The following BANF1 variants were observed in gnomAD, a reference collection of about 807,000 sequenced individuals.
BANF1 encodes barrier-to-autointegration factor.
For synonymous variants in BANF1, 49 were observed against 43.7 expected (o/e 1.12, Z -0.48); for missense variants, 47 against 110.4 (o/e 0.43, Z 2.57).
At chr11:66,003,179 G>A (rs1169084968) in intron 1 of BANF1, 56 bp from the exon 2 acceptor site, 2 of 1,590,056 alleles carry the variant, frequency 1.3e-6, no homozygotes, top group Non-Finnish European at 1.7e-6. Context: ...TTGCTCGTGG[G>A]CCCTTAGAAG....
chr11:66,002,947 C>T, intron 1 of BANF1: 1 of 420,556 alleles, frequency 2.4e-6, no homozygotes, highest in South Asian at 2.1e-5. Context: ...TCCGCGCAGC[C>T]CTGGCTACGG....
Position 66,003,658 on chromosome 11 carries a change from A to T in BANF1, c.156A>T (p.Leu52=). The T allele has an allele frequency of 1.2e-6, 2 of 1,614,086 alleles. No individual in the cohort carries two copies. The highest frequency in any genetic ancestry group is 8.5e-7 in the Non-Finnish European group (1 of 1,180,014). ...AYVVLGQFLV[L]KKDEDLFREW... ...TTGTCCTTGGCCAGTTTCTGGTGCT[A>T]AAGAAAGATGAAGACCTCTTCCGGG... is the stretch of plus-strand genomic sequence containing the variant. The change falls in exon 3 of 3, where the codon CTA becomes CTT. Residue 52 remains leucine, a synonymous_variant. Coordinates refer to ENST00000312175, the MANE Select transcript of BANF1 (RefSeq NM_003860.4).
intron 1 of BANF1, chr11:66,002,771 G>A (rs1257231064): frequency 6.3e-6 from 1 of 159,738 alleles, no homozygotes; most frequent in Non-Finnish European, 1.4e-5. Flanking sequence ...GGCGGAGCTG[G>A]GGCGCGGCGT....
At chr11:66,002,884 C>A in intron 1 of BANF1, 1 of 334,742 alleles carries the variant, frequency 3.0e-6, no homozygotes, top group Non-Finnish European at 5.8e-6. Context: ...GTGGCCGTTC[C>A]AGGCAGGCAG....
rs142270527 is a variant in BANF1, at chr11:66,004,045, C to T, written c.*273C>T. On this transcript the variant is annotated 3_prime_UTR_variant, in exon 3 of 3. Coordinates refer to ENST00000312175, the MANE Select transcript of BANF1 (RefSeq NM_003860.4). Reference sequence around the variant, plus strand: ...GATTCCCGGCCCCATCCCTCACCCCCACCCTCACTTTCAATCCGTTTGATA... The same window carrying T: ...GATTCCCGGCCCCATCCCTCACCCCTACCCTCACTTTCAATCCGTTTGATA... 1 of 477,600 alleles carries T rather than the reference C, an allele frequency of 2.1e-6. No homozygotes were observed. The highest frequency in any genetic ancestry group is 2.1e-5 in the South Asian group (1 of 48,574). The allele number at this position is 477,600 out of a possible 1,614,324, so 29.6% of individuals were successfully genotyped here.
Position 66,003,977 on chromosome 11 carries a change from C to G in BANF1, c.*205C>G. The G allele has an allele frequency of 4.8e-6, 3 of 621,492 alleles. No individual in the cohort carries two copies. The highest frequency in any genetic ancestry group is 8.3e-6 in the Non-Finnish European group (3 of 363,060). 38.5% of individuals were successfully genotyped at this position (621,492 alleles called of 1,614,324 possible). On this transcript the variant is annotated 3_prime_UTR_variant, in exon 3 of 3. Coordinates refer to ENST00000312175, the MANE Select transcript of BANF1 (RefSeq NM_003860.4). ...CTTGCATGCCTCCCCCGTCCTTTTT[C>G]CCTTGCCAGTTCCCTGGTGACAGTT...
chr11:66,003,134 T>C, intron 1 of BANF1, 101 bp from the exon 2 acceptor site: 1 of 1,299,408 alleles, frequency 7.7e-7, no homozygotes, highest in Non-Finnish European at 1.1e-6. Context: ...AGCAAGCCAC[T>C]GTAACCCCTG....
rs762964076 is a variant in BANF1, at chr11:66,003,779, C to G, written c.*7C>G. The stretch of plus-strand genomic sequence containing the variant: ...GTGCGACGCCTTCTTGTGATGCTCT[C>G]TGGGAAGCTCTCAATCCCCAGCCCT... On this transcript the variant is annotated 3_prime_UTR_variant, in exon 3 of 3. Coordinates refer to ENST00000312175, the MANE Select transcript of BANF1 (RefSeq NM_003860.4). The G allele has an allele frequency of 3.8e-5, 61 of 1,613,812 alleles. No homozygotes were observed. Among genetic ancestry groups the G allele is most frequent in the Non-Finnish European group, 4.6e-5 (54 of 1,180,004 alleles).
chr11:66,003,498 G>T, intron 2 of BANF1, 125 bp downstream of exon 2: 1 of 1,608,692 alleles, frequency 6.2e-7, no homozygotes, highest in South Asian at 1.1e-5. Context: ...CTGGTGGAGA[G>T]GAGAGGGGGG....
At chr11:66,002,702 G>GGTGCAGC (rs1856025560) in intron 1 of BANF1, 132 bp downstream of exon 1, 1 of 151,300 alleles carries the variant, frequency 6.6e-6, no homozygotes, top group Non-Finnish European at 1.5e-5. Context: ...GAGGGGGCGG[G>GGTGCAGC]GTGCAGCGCG....
intron 1 of BANF1, chr11:66,002,978 GCCC>G (rs1856039403): frequency 2.1e-6 from 1 of 466,628 alleles, no homozygotes; most frequent in Non-Finnish European, 3.9e-6. Context: ...TCTTTCCACT[GCCC>G]CGCTTGCGCC....
chr11:66,003,957 A>G lies in BANF1; in HGVS notation c.*185A>G. The G allele has an allele frequency of 4.1e-6, 3 of 731,400 alleles. No individual in the cohort carries two copies. Among genetic ancestry groups the G allele is most frequent in the Non-Finnish European group, 6.7e-6 (3 of 449,334 alleles). The allele number at this position is 731,400 out of a possible 1,614,324, so 45.3% of individuals were successfully genotyped here. A position where few individuals can be genotyped will look rare whatever the true frequency, so the allele number is the denominator to read the frequency against. On this transcript the variant is annotated 3_prime_UTR_variant, in exon 3 of 3. Transcript: ENST00000312175. Reference sequence around the variant, plus strand: ...CTTTTTTTTGGATTCTCGCTCTTGCATGCCTCCCCCGTCCTTTTTCCCTTG... The same window carrying G: ...CTTTTTTTTGGATTCTCGCTCTTGCGTGCCTCCCCCGTCCTTTTTCCCTTG...
chr11:66,003,877 T>C lies in BANF1; in HGVS notation c.*105T>C, dbSNP rs1415259293. ...AAGGAAAAGATTGCTATTGTCGTAC[T>C]CACCTCCGACGTACTCCGGGGTCTT... is the stretch of plus-strand genomic sequence containing the variant. On this transcript the variant is annotated 3_prime_UTR_variant, in exon 3 of 3. Transcript: ENST00000312175. 6.5e-7 allele frequency: 1 copy of C among 1,530,114 alleles called. No individual in the cohort carries two copies. Among genetic ancestry groups the C allele is most frequent in the African/African-American group, 1.4e-5 (1 of 72,960 alleles). 94.8% of individuals were successfully genotyped at this position (1,530,114 alleles called of 1,614,324 possible).
chr11:66,003,803 C>T lies in BANF1; in HGVS notation c.*31C>T, dbSNP rs1856070851. On this transcript the variant is annotated 3_prime_UTR_variant, in exon 3 of 3. Coordinates refer to ENST00000312175, the MANE Select transcript of BANF1 (RefSeq NM_003860.4). ...TCTGGGAAGCTCTCAATCCCCAGCC[C>T]TCATCCAGAGTTTGCAGCCGAGTAG... The T allele has an allele frequency of 1.9e-6, 3 of 1,613,630 alleles. No individual in the cohort carries two copies. The highest frequency in any genetic ancestry group is 1.7e-5 in the Admixed American group (1 of 60,018).
Position 66,003,956 on chromosome 11 carries a change from C to G in BANF1, c.*184C>G, listed in dbSNP as rs537800431. On this transcript the variant is annotated 3_prime_UTR_variant, in exon 3 of 3. Coordinates refer to ENST00000312175, the MANE Select transcript of BANF1 (RefSeq NM_003860.4). ...ACTTTTTTTTGGATTCTCGCTCTTG[C>G]ATGCCTCCCCCGTCCTTTTTCCCTT... 2 of 729,736 alleles carry G rather than the reference C, an allele frequency of 2.7e-6. No individual in the cohort carries two copies. Among genetic ancestry groups the G allele is most frequent in the Non-Finnish European group, 4.5e-6 (2 of 447,798 alleles). 45.2% of individuals were successfully genotyped at this position (729,736 alleles called of 1,614,324 possible).
chr11:66,002,759 G>A lies in BANF1; in HGVS notation c.-17+189G>A, dbSNP rs7113428. The A allele has an allele frequency of 0.26, 39,068 of 151,610 alleles. 6,516 individuals are homozygous for A. Among genetic ancestry groups the A allele is most frequent in the Middle Eastern group, 0.41 (120 of 294 alleles). The allele number at this position is 151,610 out of a possible 1,614,324, so 9.4% of individuals were successfully genotyped here. ...GGGCGGGCCGCAGCGGCGCGCGGTG[G>A]GGGCGGAGCTGGGGCGCGGCGTGAA... On this transcript the variant is annotated intron_variant, in intron 1 of 2. Transcript: ENST00000312175.
At chr11:66,002,799 A>G (rs992585846) in intron 1 of BANF1, 1 of 163,808 alleles carries the variant, frequency 6.1e-6, no homozygotes, top group South Asian at 1.4e-4. Flanking sequence ...GCGGGCGGGG[A>G]GCGGGTGTGC....
intron 2 of BANF1, 93 bp from the exon 3 acceptor site, chr11:66,003,533 T>TTG: frequency 1.9e-6 from 3 of 1,611,752 alleles, no homozygotes; most frequent in Non-Finnish European, 2.5e-6. Context: ...CTTCCTGGGC[T>TTG]TGTGTGCTCT....
rs753857171 is a variant in BANF1 at position 66,003,271 on chromosome 11, C to T, written c.21C>T (p.His7=). The change falls in exon 2 of 3, where the codon CAC becomes CAT. Residue 7 remains histidine, a synonymous_variant. Coordinates refer to ENST00000312175, the MANE Select transcript of BANF1 (RefSeq NM_003860.4). MTTSQK[H]RDFVAEPMGE... is the part of the protein sequence containing the mutation. ...TCAAGATGACAACCTCCCAAAAGCA[C>T]CGAGACTTCGTGGCAGAGCCCATGG... The T allele has an allele frequency of 2.2e-5, 35 of 1,613,440 alleles. No homozygotes were observed. The highest frequency in any genetic ancestry group is 4.2e-6 in the Non-Finnish European group (5 of 1,179,828).
Sources: allele counts gnomAD v4.1 joint callset, GRCh38; gene constraint gnomAD v4.1.1; transcripts MANE v1.5; gene names NCBI Gene and HGNC (gene_info 2026-07-23, HGNC 2026-07-21).